AMT: variants seen among roughly 807,000 people sequenced by gnomAD.
The protein encoded by AMT is aminomethyltransferase.
A neutral mutation model predicts 39.5 loss-of-function variants in AMT; 24 were observed. That is an observed-to-expected ratio of 0.61 (90% CI 0.44 to 0.86). AMT has a LOEUF of 0.86. Among genes scored for constraint, AMT ranks in the 40% least tolerant of loss-of-function variants. The pLI, the probability that AMT is intolerant of heterozygous loss-of-function variation, is 0.00. For synonymous variants in AMT, 210 were observed against 212.1 expected (o/e 0.99, Z 0.09); for missense variants, 501 against 537.0 (o/e 0.93, Z 0.66).
intron 2 of AMT, 86 bp downstream of exon 2, chr3:49,422,018 G>C (rs2049111775): frequency 3.2e-6 from 5 of 1,582,872 alleles, no homozygotes; most frequent in African/African-American, 1.3e-5. Flanking sequence ...TTGGAATCCA[G>C]TTCACAGCAA....
In AMT at chr3:49,420,328, C is replaced by T. The variant is rs145194293; in HGVS notation, c.354G>A (p.Leu118=). The T allele has an allele frequency of 8.2e-4, 1,328 of 1,614,170 alleles. 17 individuals carry two copies. The Middle Eastern group carries it at 0.026, about 32-fold the overall frequency. Reference sequence around the variant, plus strand: ...AGATGCCTCCAGCCTCGTTGGTAAACAGCGACAGTGTCCCCTAGGACCAAA... The same window carrying T: ...AGATGCCTCCAGCCTCGTTGGTAAATAGCGACAGTGTCCCCTAGGACCAAA... ...ELRPNQGTLS[L]FTNEAGGILD... Residue 118 remains leucine, a synonymous_variant, in exon 4 of 9, where the codon CTG becomes CTA. Transcript: ENST00000273588.
intron 7 of AMT, 187 bp from the exon 8 acceptor site, chr3:49,418,160 T>C: frequency 1.5e-6 from 1 of 658,644 alleles, no homozygotes; most frequent in Non-Finnish European, 2.6e-6. Flanking sequence ...GAGGCCATGC[T>C]GCCCACCTGC....
At position 49,419,372 on chromosome 3, in the gene AMT, A is replaced by G. The variant is rs752740839; in HGVS notation, c.584T>C (p.Val195Ala). The G allele has an allele frequency of 6.2e-6, 10 of 1,614,036 alleles. No homozygotes were observed. In the Admixed American group the frequency reaches 1.5e-4, roughly 24 times the overall value. ...GGGCAGTTTCCTCAGGTCATCTGCCACGCCGGCCTGTAGTACCTGGGCTGC... is the reference window on the plus strand; with the variant it reads ...GGGCAGTTTCCTCAGGTCATCTGCCGCGCCGGCCTGTAGTACCTGGGCTGC... ...PTAAQVLQAG[V>A]ADDLRKLPFM... Residue 195 changes from valine to alanine, a missense_variant, in exon 6 of 9, where the codon GTG becomes GCG. Coordinates refer to ENST00000273588, the MANE Select transcript of AMT (RefSeq NM_000481.4).
At chr3:49,420,158 T>C in intron 4 of AMT, 53 bp downstream of exon 4, 1 of 1,611,928 alleles carries the variant, frequency 6.2e-7, no homozygotes, top group Non-Finnish European at 8.5e-7. Context: ...ACAACAAGGA[T>C]ACTGCTCTAT....
In AMT at chr3:49,420,269, C is replaced by T. The variant is rs1204442441; in HGVS notation, c.413G>A (p.Gly138Asp). 6.2e-7 allele frequency: 1 copy of T among 1,614,206 alleles called. No homozygotes were observed. Among genetic ancestry groups the T allele is most frequent in the African/African-American group, 1.3e-5 (1 of 75,062 alleles). The part of the protein sequence containing the change: ...DDLIVTNTSE[G>D]HLYVVSNAGC... Reference sequence around the variant, plus strand: ...AGCGTTGGACACCACATACAGGTGGCCCTCAGAAGTATTGGTTACAATCAA... The same window carrying T: ...AGCGTTGGACACCACATACAGGTGGTCCTCAGAAGTATTGGTTACAATCAA... Residue 138 changes from glycine (G) to aspartate (D), a missense_variant, in exon 4 of 9, where the codon GGC (glycine) becomes GAC (aspartate). Coordinates refer to ENST00000273588, the MANE Select transcript of AMT (RefSeq NM_000481.4).
Position 49,419,260 on chromosome 3 carries a change from C to A in AMT, c.696G>T (p.Glu232Asp), listed in dbSNP as rs1352631535. ...GCCCCCACACCACTTCTTGACACACCTCCACACCATCCTCTCCTGTGTAGC... is the reference window on the plus strand; with the variant it reads ...GCCCCCACACCACTTCTTGACACACATCCACACCATCCTCTCCTGTGTAGC... ...RCGYTGEDGV[E>D]ISVPVAGAVH... The change falls in exon 6 of 9, where the codon GAG becomes GAT. Residue 232 changes from glutamate (E) to aspartate (D), a missense_variant and splice_region_variant. Coordinates refer to ENST00000273588, the MANE Select transcript of AMT (RefSeq NM_000481.4). 6.2e-7 allele frequency: 1 copy of A among 1,614,128 alleles called. No homozygotes were observed. The highest frequency in any genetic ancestry group is 8.5e-7 in the Non-Finnish European group (1 of 1,180,016).
chr3:49,421,694 G>A (rs930982121), intron 2 of AMT, 122 bp from the exon 3 acceptor site: 3 of 888,526 alleles, frequency 3.4e-6, no homozygotes, highest in Non-Finnish European at 5.6e-6. Context: ...TGACTAACCA[G>A]TCTTTTGGTT....
In AMT at chr3:49,417,694, G is replaced by T. The variant is rs768293167; in HGVS notation, c.1058C>A (p.Ser353Tyr). The change falls in exon 9 of 9, where the codon TCC becomes TAC. Residue 353 changes from serine to tyrosine, a missense_variant. Transcript: ENST00000273588. ...KIGTVTSGCPSPSLKKNVAMG... is the reference protein window; with the variant it reads ...KIGTVTSGCPYPSLKKNVAMG... ...CGCCACATTCTTCTTCAGAGAGGGG[G>T]AGGGGCAGCCACTAGTCACAGTACC... The T allele has an allele frequency of 1.9e-6, 3 of 1,613,882 alleles. No homozygotes were observed. Among genetic ancestry groups the T allele is most frequent in the African/African-American group, 2.7e-5 (2 of 74,894 alleles).
chr3:49,417,560 T>A lies in AMT; in HGVS notation c.1192A>T (p.Asn398Tyr). 6.2e-7 allele frequency: 1 copy of A among 1,614,176 alleles called. No individual in the cohort carries two copies. The highest frequency in any genetic ancestry group is 8.5e-7 in the Non-Finnish European group (1 of 1,180,026). Residue 398 changes from asparagine (N) to tyrosine (Y), a missense_variant, in exon 9 of 9, where the codon AAC becomes TAC. Asn to Tyr is a moderately radical substitution (Grantham distance 143). Transcript: ENST00000273588. ...VVSKMPFVPT[N>Y]YYTLK ...CAGCTTCACTTGAGGGTATAGTAGT[T>A]TGTGGGCACAAAGGGCATCTTGCTG...
In AMT at chr3:49,421,489, C is replaced by A. The variant is rs752570901; in HGVS notation, c.339+3G>T. On this transcript the variant is annotated splice_donor_region_variant and intron_variant, in intron 3 of 8. Transcript: ENST00000273588. ...CTCATAGAGCAGAAATAAAAGGGCC[C>A]ACCTGGTTTGGTCTTAGCTCTGCAA... 5.0e-6 allele frequency: 8 copies of A among 1,613,558 alleles called. No homozygotes were observed. Among genetic ancestry groups the A allele is most frequent in the Non-Finnish European group, 6.8e-6 (8 of 1,179,476 alleles).
rs1247651148 is a variant in AMT at position 49,422,350 on chromosome 3, C to T, written c.90+11G>A. On this transcript the variant is annotated intron_variant, in intron 1 of 8. Coordinates refer to ENST00000273588, the MANE Select transcript of AMT (RefSeq NM_000481.4). Reference sequence around the variant, plus strand: ...TCCCCCACCCTCCAAGATCAGCACCCTCTATCCCACCTGTGCGCAACTAAG... The same window carrying T: ...TCCCCCACCCTCCAAGATCAGCACCTTCTATCCCACCTGTGCGCAACTAAG... 3.1e-6 allele frequency: 5 copies of T among 1,613,794 alleles called. No homozygotes were observed. Among genetic ancestry groups the T allele is most frequent in the Non-Finnish European group, 4.2e-6 (5 of 1,180,000 alleles).
Position 49,419,423 on chromosome 3 carries a change from G to C in AMT, c.551-18C>G. ...AGTGGGGCCTGGGCCCAGGGAGCCA[G>C]TGACCAAGTATCCAGGTCCCAGCAT... On this transcript the variant is annotated intron_variant, in intron 5 of 8. Coordinates refer to ENST00000273588, the MANE Select transcript of AMT (RefSeq NM_000481.4). The C allele has an allele frequency of 6.2e-7, 1 of 1,613,022 alleles. No homozygotes were observed. The highest frequency in any genetic ancestry group is 1.7e-5 in the Admixed American group (1 of 59,782).
rs757451675 is a variant in AMT at position 49,422,113 on chromosome 3, A to G, written c.249T>C (p.His83=). 1 of 1,613,680 alleles carries G rather than the reference A, an allele frequency of 6.2e-7. No individual in the cohort carries two copies. Among genetic ancestry groups the G allele is most frequent in the Non-Finnish European group, 8.5e-7 (1 of 1,180,028 alleles). ...TGCTCCCCTGGCTCACCTGCAGCAT[A>G]TGAGACACGTCAAAGAGCGAGCAGT... is the stretch of plus-strand genomic sequence containing the variant. ...RQHCSLFDVS[H]MLQTKILGSD... Residue 83 remains histidine (H), a synonymous_variant, in exon 2 of 9, where the codon CAT becomes CAC. Coordinates refer to ENST00000273588, the MANE Select transcript of AMT (RefSeq NM_000481.4).
intron 3 of AMT, 64 bp from the exon 4 acceptor site, chr3:49,420,406 A>G: frequency 6.2e-7 from 1 of 1,612,328 alleles, no homozygotes; most frequent in Admixed American, 1.7e-5. Context: ...GGTGAGCCAG[A>G]CACAACCCTG....
rs1213654667 is a variant in AMT at position 49,420,721 on chromosome 3, T to A, written c.340-379A>T. The A allele has an allele frequency of 9.1e-6, 3 of 331,322 alleles. No individual in the cohort carries two copies. The East Asian group carries it at 2.2e-4, about 25-fold the overall frequency. 20.5% of individuals were successfully genotyped at this position (331,322 alleles called of 1,614,324 possible). A position where few individuals can be genotyped will look rare whatever the true frequency, so the allele number is the denominator to read the frequency against. On this transcript the variant is annotated intron_variant, in intron 3 of 8. Coordinates refer to ENST00000273588, the MANE Select transcript of AMT (RefSeq NM_000481.4). ...ACAAAAGCTTCAAAGGTCATCTTGA[T>A]GATCGCAGGCTCTCCTAAGTACTCC...
chr3:49,418,137 CTCCTATCCCCT>C, intron 7 of AMT, 164 bp from the exon 8 acceptor site: 2 of 826,430 alleles, frequency 2.4e-6, no homozygotes, highest in Non-Finnish European at 3.9e-6. Context: ...AACCAACCAC[CTCCTATCCCCT>C]GGAGGCCATG....
chr3:49,419,027 C>T lies in AMT; in HGVS notation c.821G>A (p.Gly274Glu), dbSNP rs753730286. Residue 274 changes from glycine to glutamate, a missense_variant, in exon 7 of 9, where the codon GGG (glycine) becomes GAG (glutamate). Transcript: ENST00000273588. ...LRLEAGLCLY[G>E]NDIDEHTTPV... ...TGTAGTGTGTTCATCAATGTCATTC[C>T]CATACAGGCAGAGGCCTGCCTCCAG... 7 of 1,614,076 alleles carry T rather than the reference C, an allele frequency of 4.3e-6. No homozygotes were observed. The highest frequency in any genetic ancestry group is 5.9e-6 in the Non-Finnish European group (7 of 1,180,022).
chr3:49,417,069 C>G lies in AMT; in HGVS notation c.*471G>C, dbSNP rs2049010572. 1 of 643,610 alleles carries G rather than the reference C, an allele frequency of 1.6e-6. No individual in the cohort carries two copies. Among genetic ancestry groups the G allele is most frequent in the Non-Finnish European group, 2.9e-6 (1 of 349,748 alleles). 39.9% of individuals were successfully genotyped at this position (643,610 alleles called of 1,614,324 possible). A position where few individuals can be genotyped will look rare whatever the true frequency, so the allele number is the denominator to read the frequency against. ...TGAGTCAGCAATCATTCCTGACTTG[C>G]AGTAAGGACAATTTGCATTTACGGA... On this transcript the variant is annotated 3_prime_UTR_variant, in exon 9 of 9. Coordinates refer to ENST00000273588, the MANE Select transcript of AMT (RefSeq NM_000481.4).
At position 49,419,346 on chromosome 3, in the gene AMT, A is replaced by G. The variant is rs2049059534; in HGVS notation, c.610T>C (p.Phe204Leu). ...GVADDLRKLPFMTSAVMEVFG... is the reference protein window; with the variant it reads ...GVADDLRKLPLMTSAVMEVFG... ...ACCTCCATCACAGCACTGGTCATGA[A>G]GGGCAGTTTCCTCAGGTCATCTGCC... The change falls in exon 6 of 9, where the codon TTC (phenylalanine) becomes CTC (leucine). Residue 204 changes from phenylalanine to leucine, a missense_variant. Physicochemically the swap from Phe to Leu is conservative, Grantham distance 22. Coordinates refer to ENST00000273588, the MANE Select transcript of AMT (RefSeq NM_000481.4). The G allele has an allele frequency of 2.5e-6, 4 of 1,614,202 alleles. No homozygotes were observed. Among genetic ancestry groups the G allele is most frequent in the Middle Eastern group, 1.6e-4 (1 of 6,062 alleles).
Sources: allele counts gnomAD v4.1 joint callset, GRCh38; gene constraint gnomAD v4.1.1; transcripts MANE v1.5; gene names NCBI Gene and HGNC (gene_info 2026-07-23, HGNC 2026-07-21).